Variants in ST3GAL3 observed in about 807,000 individuals in gnomAD.
ST3GAL3 encodes the protein CMP-N-acetylneuraminate-beta-1,4-galactoside alpha-2,3-sialyltransferase.
A neutral mutation model predicts 50.1 loss-of-function variants in ST3GAL3; 21 were observed. The ratio of observed to expected loss-of-function variants is 0.42; its 90% CI spans 0.30 to 0.60. The LOEUF is 0.60. Ranked by LOEUF, ST3GAL3 falls within the 20% of genes least tolerant of loss-of-function variation. The pLI, the probability that ST3GAL3 is intolerant of heterozygous loss-of-function variation, is 0.19. For synonymous variants in ST3GAL3, 183 were observed against 190.0 expected (o/e 0.96, Z 0.30); for missense variants, 353 against 489.4 (o/e 0.72, Z 2.63).
chr1:43,760,759 A>T (rs1035878494), intron 2 of ST3GAL3, among the ~76,000 whole-genome samples: 1 of 152,222 alleles, frequency 6.6e-6, no homozygotes, highest in African/African-American at 2.4e-5. Flanking sequence ...CCGTCTCAAA[A>T]AAAAAAAATG....
intron 5 of ST3GAL3, among the ~76,000 whole-genome samples, chr1:43,860,871 G>A (rs2069739115): frequency 1.3e-5 from 2 of 152,220 alleles, no homozygotes; most frequent in South Asian, 4.1e-4. Context: ...TCTGAGGGTA[G>A]GTTCAGGAAG....
At chr1:43,840,900 G>A (rs916571829) in intron 5 of ST3GAL3, 4 of 152,232 alleles carry the variant, frequency 2.6e-5, no homozygotes, top group Non-Finnish European at 5.9e-5. Flanking sequence ...AGATACAATG[G>A]GGGTATAGGC....
intron 5 of ST3GAL3, among the ~76,000 whole-genome samples, chr1:43,869,998 C>T (rs1480603645): frequency 6.6e-6 from 1 of 152,096 alleles, no homozygotes; most frequent in Non-Finnish European, 1.5e-5. Flanking sequence ...TGTTATGGTC[C>T]GCATGTGGTA....
intron 3 of ST3GAL3, among the ~76,000 whole-genome samples, chr1:43,810,745 A>G (rs1191549057): frequency 6.6e-6 from 1 of 151,796 alleles, no homozygotes; most frequent in Non-Finnish European, 1.5e-5. Context: ...CGCCCTTGGG[A>G]GCAGAGGGGC....
chr1:43,859,216 C>T (rs1277479037), intron 5 of ST3GAL3, among the ~76,000 whole-genome samples: 1 of 152,148 alleles, frequency 6.6e-6, no homozygotes, highest in Non-Finnish European at 1.5e-5. Flanking sequence ...GACAGCTGGC[C>T]CTGTGACATC....
chr1:43,846,758 C>G (rs983749084), intron 5 of ST3GAL3, among the ~76,000 whole-genome samples: 1 of 152,172 alleles, frequency 6.6e-6, no homozygotes, highest in African/African-American at 2.4e-5. Flanking sequence ...CTCAGCCTCC[C>G]AAAGTGCTGG....
At chr1:43,723,548 G>A (rs764574830) in intron 1 of ST3GAL3, among the ~76,000 whole-genome samples, 1 of 152,046 alleles carries the variant, frequency 6.6e-6, no homozygotes, top group African/African-American at 2.4e-5. Flanking sequence ...AAATAAACTC[G>A]TTTCTTTAGA....
At chr1:43,864,165 G>A (rs1485793818) in intron 5 of ST3GAL3, among the ~76,000 whole-genome samples, 2 of 152,224 alleles carry the variant, frequency 1.3e-5, no homozygotes, top group African/African-American at 4.8e-5. Context: ...TGTAATCCCA[G>A]CTACTTGAGA....
At chr1:43,888,067 G>A (rs2076214684) in intron 5 of ST3GAL3, among the ~76,000 whole-genome samples, 1 of 152,080 alleles carries the variant, frequency 6.6e-6, no homozygotes, top group Non-Finnish European at 1.5e-5. Flanking sequence ...AAAAAAACAA[G>A]CATGCAAATC....
At chr1:43,884,751 G>A (rs948204635) in intron 5 of ST3GAL3, among the ~76,000 whole-genome samples, 1 of 152,164 alleles carries the variant, frequency 6.6e-6, no homozygotes, top group African/African-American at 2.4e-5. Flanking sequence ...TGGGCTGCTT[G>A]CACTCGTCAC....
intron 5 of ST3GAL3, among the ~76,000 whole-genome samples, chr1:43,873,747 C>T (rs965545567): frequency 6.6e-6 from 1 of 152,006 alleles, no homozygotes; most frequent in Non-Finnish European, 1.5e-5. Context: ...ACCAAGATCG[C>T]ACCACTGTAC....
intron 5 of ST3GAL3, among the ~76,000 whole-genome samples, chr1:43,852,654 T>A (rs141543838): frequency 6.6e-6 from 1 of 152,204 alleles, no homozygotes; most frequent in Non-Finnish European, 1.5e-5. Flanking sequence ...TAAGACACTC[T>A]TTTAGTGGAA....
intron 9 of ST3GAL3, among the ~76,000 whole-genome samples, chr1:43,915,411 G>T (rs1183599700): frequency 6.6e-6 from 1 of 152,210 alleles, no homozygotes; most frequent in African/African-American, 2.4e-5. Context: ...AAATACGCGT[G>T]ATGTCCCTGG....
intron 11 of ST3GAL3, chr1:43,929,922 C>T (rs1415755771): frequency 2.0e-5 from 14 of 704,982 alleles, no homozygotes; most frequent in Admixed American, 6.0e-5. Context: ...GTTCTTTTTT[C>T]CCTGTCTTGG....
At chr1:43,917,547 TTA>T (rs1212158182) in intron 9 of ST3GAL3, among the ~76,000 whole-genome samples, 20 of 86,882 alleles carry the variant, frequency 2.3e-4, no homozygotes, top group East Asian at 5.6e-4. Context: ...ATATTATGTA[TTA>T]TATATAATAT....
intron 2 of ST3GAL3, among the ~76,000 whole-genome samples, chr1:43,741,206 A>G (rs1222249700): frequency 2.0e-5 from 3 of 151,988 alleles, no homozygotes; most frequent in Non-Finnish European, 4.4e-5. Context: ...GTACATGTCT[A>G]TGGTGCCAGC....
At chr1:43,913,265 A>G (rs990979692) in intron 9 of ST3GAL3, 2 of 152,226 alleles carry the variant, frequency 1.3e-5, no homozygotes, top group Non-Finnish European at 2.9e-5. Flanking sequence ...CTATAATCAT[A>G]ATAAGTAAGA....
At chr1:43,714,455 AT>A (rs1666368128) in intron 1 of ST3GAL3, among the ~76,000 whole-genome samples, 1 of 148,006 alleles carries the variant, frequency 6.8e-6, no homozygotes, top group African/African-American at 2.5e-5. Context: ...AAAAAAAAAA[AT>A]TAGCTGGGCA....
At chr1:43,720,373 C>T (rs1669817402) in intron 1 of ST3GAL3, 1 of 152,202 alleles carries the variant, frequency 6.6e-6, no homozygotes, top group Non-Finnish European at 1.5e-5. Context: ...AATTACCATA[C>T]AACCAGTAGA....
Sources: gnomAD v4.1 joint callset for allele counts (sites outside exome capture counted in the v4.1 genomes callset) on GRCh38, gnomAD v4.1.1 for gene constraint, MANE v1.5 for transcripts, NCBI Gene and HGNC (gene_info 2026-07-23, HGNC 2026-07-21) for gene names.